HACE1: variants seen among roughly 807,000 people sequenced by gnomAD.
The protein encoded by HACE1 is E3 ubiquitin-protein ligase HACE1.
A neutral mutation model predicts 118.4 loss-of-function variants in HACE1; 73 were observed. That is an observed-to-expected ratio of 0.62 (90% CI 0.51 to 0.75). The LOEUF is 0.75. HACE1 is among the 30% of genes least tolerant of loss of function. The pLI is 0.00. For synonymous variants in HACE1, 368 were observed against 374.8 expected, an observed-to-expected ratio of 0.98 and a Z score of 0.21; for missense variants, 749 against 1,102.2, an observed-to-expected ratio of 0.68 and a Z score of 4.54.
At position 104,785,112 on chromosome 6, in the gene HACE1, G is replaced by A. The variant is rs932002194; in HGVS notation, c.1282C>T (p.Pro428Ser). 1 of 1,613,800 alleles carries A rather than the reference G, an allele frequency of 6.2e-7. No individual in the cohort carries two copies. The highest frequency in any genetic ancestry group is 1.3e-5 in the African/African-American group (1 of 75,028). The change falls in exon 12 of 24, where the codon CCA (proline) becomes TCA (serine). Residue 428 changes from proline (P) to serine (S), a missense_variant. Physicochemically the swap from Pro to Ser is moderately conservative, Grantham distance 74 (BLOSUM62 -1). This residue lies in a region of HACE1 where 267 missense variants were observed against 312.2 expected (regional missense o/e 0.86). Transcript: ENST00000262903. ...TCCTGTCTCCCTGCAAGAGCATCTG[G>A]TTTAGATTCCCTTGTGCCAGTGGAC... ...NLSTGTRESK[P>S]DALAGRQEAS... is the part of the protein sequence containing the mutation.
chr6:104,837,759 T>C (rs1231018825), intron 5 of HACE1, among the ~76,000 whole-genome samples: 2 of 152,152 alleles, frequency 1.3e-5, no homozygotes, highest in Non-Finnish European at 2.9e-5. Context: ...GACATTCATA[T>C]TAGAAAGAAA....
At chr6:104,841,537 C>T (rs1775120266) in intron 5 of HACE1, among the ~76,000 whole-genome samples, 2 of 152,018 alleles carry the variant, frequency 1.3e-5, no homozygotes, top group South Asian at 4.1e-4. Context: ...TAATACATAA[C>T]AAAATCTGAA....
At chr6:104,745,569 T>C (rs931661316) in intron 20 of HACE1, among the ~76,000 whole-genome samples, 2 of 151,040 alleles carry the variant, frequency 1.3e-5, no homozygotes, top group African/African-American at 4.9e-5. Flanking sequence ...GCCTCCCAAG[T>C]AGCTAGGACT....
At position 104,731,048 on chromosome 6, in the gene HACE1, A is replaced by T. The variant is rs142929114; in HGVS notation, c.2514-632T>A. The T allele has an allele frequency of 9.6e-5, 15 of 156,958 alleles. 1 individual carries two copies. Among genetic ancestry groups the T allele is most frequent in the Non-Finnish European group, 1.4e-5 (1 of 70,990 alleles). The allele number at this position is 156,958 out of a possible 1,614,324, so 9.7% of individuals were successfully genotyped here. ...AATGAGGCCACAGGAAGGCTAACAT[A>T]TAATGCATAACACATCAGTAGAAAA... On this transcript the variant is annotated intron_variant, in intron 22 of 23. Transcript: ENST00000262903.
chr6:104,737,667 C>G (rs558645838), intron 22 of HACE1, among the ~76,000 whole-genome samples: 4 of 152,176 alleles, frequency 2.6e-5, no homozygotes, highest in East Asian at 1.9e-4. Context: ...GCACCTGGCT[C>G]GGAGGGTCCT....
chr6:104,770,971 G>A (rs761050646), intron 19 of HACE1, among the ~76,000 whole-genome samples: 1 of 152,048 alleles, frequency 6.6e-6, no homozygotes, highest in Non-Finnish European at 1.5e-5. Context: ...AAGTGCTCTC[G>A]ATTTTTTAGG....
intron 6 of HACE1, among the ~76,000 whole-genome samples, chr6:104,831,754 G>T (rs574050234): frequency 2.6e-5 from 4 of 151,614 alleles, no homozygotes; most frequent in Admixed American, 6.6e-5. Flanking sequence ...TTAGCCGGGC[G>T]TGGTGGCCGG....
Position 104,851,101 on chromosome 6 carries a change from TGAGAC to T in HACE1, c.132-110_132-106del, listed in dbSNP as rs561125997. 5.1e-5 allele frequency: 38 copies of T among 745,958 alleles called. No homozygotes were observed. In the African/African-American group the frequency reaches 6.2e-4, roughly 12 times the overall value. The allele number at this position is 745,958 out of a possible 1,614,324, so 46.2% of individuals were successfully genotyped here. ...CTGCTCTGTTTGTTTGTTTGTTTGT[TGAGAC>T]AAGAGTCTTGCTCTGTCACCAGGCT... On this transcript the variant is annotated intron_variant, in intron 2 of 23. Coordinates refer to ENST00000262903, the MANE Select transcript of HACE1 (RefSeq NM_020771.4).
chr6:104,774,418 C>T (rs1283897785), intron 17 of HACE1, among the ~76,000 whole-genome samples: 2 of 144,178 alleles, frequency 1.4e-5, no homozygotes, highest in Admixed American at 7.2e-5. Context: ...CGGAGTCTCG[C>T]CCTGTCACCA....
At chr6:104,850,160 G>A (rs1022233588) in intron 3 of HACE1, among the ~76,000 whole-genome samples, 5 of 151,984 alleles carry the variant, frequency 3.3e-5, no homozygotes, top group Non-Finnish European at 7.4e-5. Flanking sequence ...ATGTTGGCGA[G>A]GCTGGTCTCG....
intron 7 of HACE1, among the ~76,000 whole-genome samples, chr6:104,809,236 G>A (rs1174480861): frequency 6.6e-6 from 1 of 152,110 alleles, no homozygotes; most frequent in South Asian, 2.1e-4. Flanking sequence ...GGCATGTAGG[G>A]GAGACAGACT....
At chr6:104,745,021 G>C (rs955472608) in intron 20 of HACE1, among the ~76,000 whole-genome samples, 4 of 151,952 alleles carry the variant, frequency 2.6e-5, no homozygotes, top group Admixed American at 2.0e-4. Flanking sequence ...ACAAAGACCC[G>C]AATAAATACT....
chr6:104,822,908 A>T (rs1772932348), intron 6 of HACE1, among the ~76,000 whole-genome samples: 1 of 152,172 alleles, frequency 6.6e-6, no homozygotes, highest in African/African-American at 2.4e-5. Flanking sequence ...TTCTATTTAT[A>T]CTGTAGCGCT....
rs1434283116 is a variant in HACE1 at position 104,814,243 on chromosome 6, T to C, written c.535-2850A>G. 2.2e-5 allele frequency among the ~76,000 whole-genome samples: 3 copies of C among 137,630 alleles called. 1 individual carries two copies. The highest frequency in any genetic ancestry group is 8.8e-5 in the African/African-American group (3 of 34,254). 90.3% of individuals were successfully genotyped at this position (137,630 alleles called of 152,430 possible). On this transcript the variant is annotated intron_variant, in intron 6 of 23. Coordinates refer to ENST00000262903, the MANE Select transcript of HACE1 (RefSeq NM_020771.4). ...AAAGGCTCAACACGTGTCTAGTCTA[T>C]TAAATCAAAAGACCTTCAACGAGGC...
At chr6:104,751,989 A>G (rs545292172) in intron 19 of HACE1, among the ~76,000 whole-genome samples, 13 of 151,966 alleles carry the variant, frequency 8.6e-5, no homozygotes, top group African/African-American at 2.7e-4. Context: ...AAGACCAAAA[A>G]AAGGCACTGA....
At chr6:104,802,285 A>C (rs919694328) in intron 7 of HACE1, among the ~76,000 whole-genome samples, 3 of 152,196 alleles carry the variant, frequency 2.0e-5, no homozygotes, top group Non-Finnish European at 4.4e-5. Flanking sequence ...TAAACACCCC[A>C]CTGTCAATAA....
chr6:104,785,366 G>T, intron 11 of HACE1, 47 bp from the exon 12 acceptor site: 6 of 989,748 alleles, frequency 6.1e-6, no homozygotes, highest in Non-Finnish European at 7.7e-6. Context: ...TAAACTACAG[G>T]ATTAAAAAAA....
chr6:104,777,745 T>G (rs1201859207), intron 14 of HACE1, among the ~76,000 whole-genome samples: 1 of 152,158 alleles, frequency 6.6e-6, no homozygotes, highest in African/African-American at 2.4e-5. Flanking sequence ...TTTATTTATT[T>G]TGGTTTATTG....
At chr6:104,768,533 A>G (rs1780250382) in intron 19 of HACE1, among the ~76,000 whole-genome samples, 1 of 152,178 alleles carries the variant, frequency 6.6e-6, no homozygotes, top group African/African-American at 2.4e-5. Context: ...CAGGTTATTT[A>G]TTAAATAAGC....
Sources: gnomAD v4.1 joint callset for allele counts (sites outside exome capture counted in the v4.1 genomes callset) on GRCh38, gnomAD v4.1.1 for gene constraint, gnomAD v4.1.1 regional missense constraint, MANE v1.5 for transcripts, NCBI Gene and HGNC (gene_info 2026-07-23, HGNC 2026-07-21) for gene names.